The following ENOX2 variants were observed in gnomAD, a reference collection of about 807,000 sequenced individuals.
ENOX2 encodes ecto-NOX disulfide-thiol exchanger 2.
A neutral mutation model predicts 45.0 loss-of-function variants in ENOX2; 36 were observed. The observed-to-expected ratio is 0.80, with a 90% CI of 0.61 to 1.06. The LOEUF (loss-of-function observed/expected upper bound fraction) is 1.06. Ranked by LOEUF, ENOX2 falls within the 50% of genes least tolerant of loss-of-function variation. The pLI is 0.00. For missense variants in ENOX2, 423 were observed against 462.5 expected (o/e 0.91, Z 0.78); for synonymous variants, 174 against 152.3 (o/e 1.14, Z -1.05).
intron 2 of ENOX2, among the ~76,000 whole-genome samples, chrX:130,791,251 T>C (rs1042058123): frequency 1.1e-4 from 12 of 111,713 alleles, no homozygotes; most frequent in Non-Finnish European, 2.3e-4. Context: ...CTACCTTCCC[T>C]TCTGCCTTAC....
intron 10 of ENOX2, chrX:130,646,093 G>T: frequency 1.8e-6 from 1 of 542,403 alleles, no homozygotes. Flanking sequence ...CCAAATGGCT[G>T]CTGAGTACTG....
intron 2 of ENOX2, among the ~76,000 whole-genome samples, chrX:130,898,525 GTA>G (rs1439314039): frequency 4.6e-5 from 5 of 109,842 alleles, no homozygotes; most frequent in African/African-American, 6.6e-5. Flanking sequence ...TGTGTATTAT[GTA>G]TATGTTTTTA....
chrX:130,834,229 C>T (rs1357546352), intron 2 of ENOX2, among the ~76,000 whole-genome samples: 2 of 111,278 alleles, frequency 1.8e-5, no homozygotes, highest in African/African-American at 6.5e-5. Flanking sequence ...TTTCAACTGA[C>T]TCTGCCTCCT....
chrX:130,845,503 T>C (rs1308133752), intron 2 of ENOX2, among the ~76,000 whole-genome samples: 1 of 112,674 alleles, frequency 8.9e-6, no homozygotes, highest in African/African-American at 3.2e-5. Flanking sequence ...TTCACTCCTG[T>C]TGCCCAGGCT....
At chrX:130,653,730 A>G (rs926503805) in intron 10 of ENOX2, among the ~76,000 whole-genome samples, 2 of 112,342 alleles carry the variant, frequency 1.8e-5, no homozygotes, top group Admixed American at 9.4e-5. Context: ...TATCTCCATC[A>G]GCTTATAGGA....
At chrX:130,630,543 C>G (rs2035670817) in intron 13 of ENOX2, among the ~76,000 whole-genome samples, 1 of 111,338 alleles carries the variant, frequency 9.0e-6, no homozygotes, top group Non-Finnish European at 1.9e-5. Flanking sequence ...GCAAATACAT[C>G]AAGATGCGCA....
At chrX:130,887,011 C>T (rs984776274) in intron 2 of ENOX2, among the ~76,000 whole-genome samples, 3 of 111,798 alleles carry the variant, frequency 2.7e-5, no homozygotes, top group African/African-American at 9.8e-5. Context: ...ATCGGGACTA[C>T]CAGTTTAACA....
intron 7 of ENOX2, among the ~76,000 whole-genome samples, chrX:130,668,103 G>C (rs757428608): frequency 2.7e-5 from 3 of 110,076 alleles, no homozygotes; most frequent in Non-Finnish European, 3.8e-5. Flanking sequence ...GAGAGAGAAG[G>C]GGGAAAGGGG....
chrX:130,742,304 C>T (rs1422185355), intron 3 of ENOX2, among the ~76,000 whole-genome samples: 3 of 76,078 alleles, frequency 3.9e-5, no homozygotes, highest in African/African-American at 1.6e-4. Context: ...GACATCTTTA[C>T]AGTGAATCTT....
intron 2 of ENOX2, among the ~76,000 whole-genome samples, chrX:130,879,237 A>C (rs946554407): frequency 8.0e-5 from 9 of 111,995 alleles, no homozygotes; most frequent in African/African-American, 2.6e-4. Flanking sequence ...CAATAAGTAG[A>C]GTGTATAAAG....
chrX:130,820,680 A>T (rs2077579245), intron 2 of ENOX2, among the ~76,000 whole-genome samples: 1 of 112,873 alleles, frequency 8.9e-6, no homozygotes, highest in African/African-American at 3.2e-5. Context: ...AAAGTGGAGA[A>T]CATTACGTTA....
At chrX:130,827,216 C>T (rs1047622416) in intron 2 of ENOX2, among the ~76,000 whole-genome samples, 2 of 111,881 alleles carry the variant, frequency 1.8e-5, no homozygotes, top group African/African-American at 6.5e-5. Flanking sequence ...AAAAGCCATG[C>T]AGTTTCTCCA....
At chrX:130,637,208 A>G in intron 11 of ENOX2, 21 bp downstream of exon 11, 9 of 1,206,250 alleles carry the variant, frequency 7.5e-6, no homozygotes, top group Non-Finnish European at 1.0e-5. Context: ...CCAGAAGCTC[A>G]GAAAACCAAA....
At chrX:130,860,269 T>C (rs2078388520) in intron 2 of ENOX2, among the ~76,000 whole-genome samples, 1 of 112,087 alleles carries the variant, frequency 8.9e-6, no homozygotes, top group African/African-American at 3.3e-5. Flanking sequence ...TCTCCAACTT[T>C]TTAACATTGG....
chrX:130,786,650 G>A (rs1329689560), intron 2 of ENOX2, among the ~76,000 whole-genome samples: 2 of 94,214 alleles, frequency 2.1e-5, no homozygotes, highest in South Asian at 6.0e-4. Context: ...GAGAATATGC[G>A]GTGTTTGGTT....
chrX:130,760,569 C>T (rs1050465723), intron 3 of ENOX2, among the ~76,000 whole-genome samples: 1 of 108,727 alleles, frequency 9.2e-6, no homozygotes, highest in Non-Finnish European at 1.9e-5. Context: ...AGGTGGATCA[C>T]GAGGTCAGGA....
At chrX:130,895,210 T>C (rs1474255275) in intron 2 of ENOX2, among the ~76,000 whole-genome samples, 1 of 112,057 alleles carries the variant, frequency 8.9e-6, no homozygotes, top group Non-Finnish European at 1.9e-5. Flanking sequence ...ATTGAATGAA[T>C]GAGTTTGAAC....
In ENOX2 at chrX:130,726,018, C is replaced by T. The variant is rs772760250; in HGVS notation, c.-38-22764G>A. 8.0e-5 allele frequency among the ~76,000 whole-genome samples: 9 copies of T among 112,223 alleles called. No homozygotes were observed. In the East Asian group the frequency reaches 2.0e-3, roughly 24 times the overall value. On this transcript the variant is annotated intron_variant, in intron 3 of 14. Coordinates refer to ENST00000394363, the MANE Select transcript of ENOX2 (RefSeq NM_006375.4). ...TCATTTGACAAAGTAGGAATTCACA[C>T]AAATATATGTTTAAAAGAAAAGACC...
At chrX:130,862,339 T>G (rs2078421940) in intron 2 of ENOX2, among the ~76,000 whole-genome samples, 1 of 111,140 alleles carries the variant, frequency 9.0e-6, no homozygotes, top group Admixed American at 9.6e-5. Context: ...TTCCCCCAGA[T>G]AGCCGCTTTC....
Sources: gnomAD v4.1 joint callset for allele counts (sites outside exome capture counted in the v4.1 genomes callset) on GRCh38, gnomAD v4.1.1 for gene constraint, MANE v1.5 for transcripts, NCBI Gene and HGNC (gene_info 2026-07-23, HGNC 2026-07-21) for gene names.